Variants in LMX1A observed in about 807,000 individuals in gnomAD.
The protein encoded by LMX1A is LIM homeobox transcription factor 1 alpha.
Under a neutral mutation model 49.1 loss-of-function variants are expected in LMX1A, and 15 were observed. That is an observed-to-expected ratio of 0.31 (90% CI 0.20 to 0.47). The LOEUF is 0.47. Ranked by LOEUF, LMX1A falls within the 20% of genes least tolerant of loss-of-function variation. The probability of loss-of-function intolerance (pLI) is 1.00; values close to 1 mark genes in which losing one functional copy is unlikely to be tolerated. For synonymous variants in LMX1A, 167 were observed against 185.7 expected, an observed-to-expected ratio of 0.90 and a Z score of 0.82; for missense variants, 372 against 475.8, an observed-to-expected ratio of 0.78 and a Z score of 2.03.
chr1:165,240,078 A>C (rs1557859940), intron 4 of LMX1A, among the ~76,000 whole-genome samples: 2 of 152,212 alleles, frequency 1.3e-5, no homozygotes, highest in Admixed American at 6.5e-5. Context: ...TTTAAAAATA[A>C]ATGGAATAGA....
At chr1:165,292,061 CAAAAA>C (rs771664986) in intron 3 of LMX1A, among the ~76,000 whole-genome samples, 2 of 82,542 alleles carry the variant, frequency 2.4e-5, no homozygotes, top group African/African-American at 4.3e-5. Context: ...AACTCCGTCT[CAAAAA>C]AAAAAAAAAA....
chr1:165,332,409 T>G (rs1173477745), intron 3 of LMX1A, among the ~76,000 whole-genome samples: 1 of 152,130 alleles, frequency 6.6e-6, no homozygotes, highest in Non-Finnish European at 1.5e-5. Flanking sequence ...AGATAAACTT[T>G]AAAAAAACAA....
At chr1:165,208,874 C>A (rs1651228463) in intron 6 of LMX1A, among the ~76,000 whole-genome samples, 1 of 152,152 alleles carries the variant, frequency 6.6e-6, no homozygotes, top group Admixed American at 6.5e-5. Flanking sequence ...GTCTCGATCT[C>A]CTGATCTCGT....
At chr1:165,229,525 C>T (rs561169876) in intron 4 of LMX1A, among the ~76,000 whole-genome samples, 2 of 152,330 alleles carry the variant, frequency 1.3e-5, no homozygotes, top group African/African-American at 4.8e-5. Flanking sequence ...CTACCAGTTA[C>T]TACAACATGG....
intron 4 of LMX1A, among the ~76,000 whole-genome samples, chr1:165,238,447 G>A (rs994148198): frequency 1.3e-5 from 2 of 152,180 alleles, no homozygotes; most frequent in Non-Finnish European, 2.9e-5. Context: ...CACTTTTAAA[G>A]TACTTCCTCA....
intron 3 of LMX1A, among the ~76,000 whole-genome samples, chr1:165,318,433 C>T (rs1449035985): frequency 6.6e-6 from 1 of 152,044 alleles, no homozygotes; most frequent in Non-Finnish European, 1.5e-5. Flanking sequence ...AAACAATCTG[C>T]TGGCTTCAGG....
At chr1:165,308,522 T>C (rs1654983300) in intron 3 of LMX1A, among the ~76,000 whole-genome samples, 1 of 152,210 alleles carries the variant, frequency 6.6e-6, no homozygotes, top group South Asian at 2.1e-4. Context: ...ATTGAATCTC[T>C]TTAATATAAT....
chr1:165,259,648 A>G (rs1653364036), intron 3 of LMX1A, among the ~76,000 whole-genome samples: 1 of 152,146 alleles, frequency 6.6e-6, no homozygotes, highest in Non-Finnish European at 1.5e-5. Flanking sequence ...GAAAGAAACC[A>G]AGGCCGATAA....
chr1:165,229,062 T>C (rs890611114), intron 4 of LMX1A, among the ~76,000 whole-genome samples: 1 of 151,862 alleles, frequency 6.6e-6, no homozygotes, highest in African/African-American at 2.4e-5. Flanking sequence ...ATCTATCAGA[T>C]TTCATCAAAT....
At chr1:165,284,774 G>A (rs543694802) in intron 3 of LMX1A, among the ~76,000 whole-genome samples, 4 of 152,324 alleles carry the variant, frequency 2.6e-5, no homozygotes, top group African/African-American at 7.2e-5. Context: ...CCCAGCACCC[G>A]CCGTAGCACC....
chr1:165,343,571 T>C (rs1048593991), intron 3 of LMX1A, among the ~76,000 whole-genome samples: 1 of 152,170 alleles, frequency 6.6e-6, no homozygotes, highest in African/African-American at 2.4e-5. Flanking sequence ...CTGTTGACAA[T>C]AGGACATGCG....
chr1:165,355,492 G>A lies in LMX1A; in HGVS notation c.68C>T (p.Ser23Leu), dbSNP rs987639748. 29 of 1,613,954 alleles carry A rather than the reference G, an allele frequency of 1.8e-5. No homozygotes were observed. Among genetic ancestry groups the A allele is most frequent in the Non-Finnish European group, 2.3e-5 (27 of 1,179,938 alleles). Residue 23 changes from serine to leucine, a missense_variant, in exon 2 of 9, where the codon TCG becomes TTG. Physicochemically the swap from Ser to Leu is moderately radical, Grantham distance 145 (BLOSUM62 -2). This residue lies in a region of LMX1A where 199 missense variants were observed against 244.0 expected (regional missense o/e 0.82). Coordinates refer to ENST00000342310, the MANE Select transcript of LMX1A (RefSeq NM_177398.4). The surrounding 1 kb of genome is among the most constrained non-coding windows in gnomAD (Gnocchi z 4.7). ...ACGGCCTGAACACTCACCCAGCAGC[G>A]AGGAGAAGGAGGCCGAGGTGTCGAT... ...SAIDTSASFS[S>L]LLGRAVSPKS...
chr1:165,355,940 C>T lies in LMX1A; in HGVS notation c.-22-359G>A, dbSNP rs571781609. 3.9e-5 allele frequency: 10 copies of T among 254,798 alleles called. No homozygotes were observed. The East Asian group carries it at 7.9e-4, about 20-fold the overall frequency. The allele number at this position is 254,798 out of a possible 1,614,324, so 15.8% of individuals were successfully genotyped here. On this transcript the variant is annotated intron_variant, in intron 1 of 8. Transcript: ENST00000342310. The surrounding 1 kb of genome is among the most constrained non-coding windows in gnomAD (Gnocchi z 4.7). ...AAGGTGGGCCCTCGGGACGTCTCTG[C>T]AGGAACGCAGCTACTGGGGTATATT... is the stretch of plus-strand genomic sequence containing the variant.
intron 3 of LMX1A, among the ~76,000 whole-genome samples, chr1:165,289,201 T>TCACTGACCCAAAAG (rs1178614653): frequency 6.6e-6 from 1 of 151,050 alleles, no homozygotes; most frequent in Middle Eastern, 3.2e-3. Flanking sequence ...TGACCCAAAG[T>TCACTGACCCAAAAG]CACTGAAATG....
intron 2 of LMX1A, among the ~76,000 whole-genome samples, chr1:165,354,805 G>T (rs1345336363): frequency 2.0e-5 from 3 of 152,220 alleles, no homozygotes; most frequent in Non-Finnish European, 2.9e-5. Context: ...GTGGGTGGGG[G>T]AGCCGTAACC....
chr1:165,260,888 A>G lies in LMX1A; in HGVS notation c.264-11248T>C, dbSNP rs550284598. Among the ~76,000 whole-genome samples, 257 of 152,350 alleles carry G rather than the reference A, an allele frequency of 1.7e-3. 1 individual carries two copies. Among genetic ancestry groups the G allele is most frequent in the Non-Finnish European group, 2.7e-3 (186 of 68,030 alleles). On this transcript the variant is annotated intron_variant, in intron 3 of 8. Transcript: ENST00000342310. ...GTGGAAAATATCTCTGGATTATTTA[A>G]TTCCAGAATGCCTTTAGTTCAAGGA...
intron 4 of LMX1A, among the ~76,000 whole-genome samples, chr1:165,228,989 G>A (rs992342725): frequency 6.6e-6 from 1 of 152,094 alleles, no homozygotes; most frequent in African/African-American, 2.4e-5. Flanking sequence ...GTTTTTCCAC[G>A]TGTTGCATCA....
rs575434678 is a variant in LMX1A at position 165,217,893 on chromosome 1, T to C, written c.497-4080A>G. Among the ~76,000 whole-genome samples, 6 of 152,344 alleles carry C rather than the reference T, an allele frequency of 3.9e-5. No homozygotes were observed. In the South Asian group the frequency reaches 1.0e-3, roughly 26 times the overall value. ...TCTCATTCTCTTCCATCCCTTTACATCTTCCATTTTGCTTTCTAAGAAGCA... is the reference window on the plus strand; with the variant it reads ...TCTCATTCTCTTCCATCCCTTTACACCTTCCATTTTGCTTTCTAAGAAGCA... On this transcript the variant is annotated intron_variant, in intron 4 of 8. Transcript: ENST00000342310.
intron 4 of LMX1A, among the ~76,000 whole-genome samples, chr1:165,214,364 T>C (rs1651561474): frequency 6.6e-6 from 1 of 152,228 alleles, no homozygotes; most frequent in African/African-American, 2.4e-5. Flanking sequence ...GAACTGCAAG[T>C]CAATTAAGCT....
Sources: gnomAD v4.1 joint callset for allele counts (sites outside exome capture counted in the v4.1 genomes callset) on GRCh38, gnomAD v4.1.1 for gene constraint, gnomAD v4.1.1 regional missense constraint, Gnocchi (gnomAD v3.1) non-coding constraint, MANE v1.5 for transcripts, NCBI Gene and HGNC (gene_info 2026-07-23, HGNC 2026-07-21) for gene names.